The following PML variants were observed in gnomAD, a reference collection of about 807,000 sequenced individuals.
The protein encoded by PML is protein PML.
A neutral mutation model predicts 65.2 loss-of-function variants in PML; 28 were observed. That is an observed-to-expected ratio of 0.43 (90% CI 0.32 to 0.59). PML has a LOEUF of 0.59. Ranked by LOEUF, PML falls within the 20% of genes least tolerant of loss-of-function variation. The pLI is 0.08. For missense variants in PML, 1,021 were observed against 1,203.4 expected (o/e 0.85, Z 2.24); for synonymous variants, 500 against 508.8 (o/e 0.98, Z 0.23).
intron 2 of PML, among the ~76,000 whole-genome samples, chr15:74,008,977 A>G (rs1257092132): frequency 6.6e-6 from 1 of 152,208 alleles, no homozygotes; most frequent in Non-Finnish European, 1.5e-5. Context: ...GAATCTGGAC[A>G]AGGGAAAGGG....
chr15:74,043,075 C>T lies in PML; in HGVS notation c.1797C>T (p.Asn599=). The T allele has an allele frequency of 6.2e-7, 1 of 1,613,388 alleles. No individual in the cohort carries two copies. ...GPSTLRVLDE[N]LADPQAEDRP... ...GCACCCTCAGGGTCCTGGACGAGAA[C>T]CTTGCTGACCCCCAAGCAGAAGACA... The change falls in exon 8 of 9, where the codon AAC becomes AAT. Residue 599 remains asparagine (N), a synonymous_variant. Transcript: ENST00000268058. This position sits in a 1 kb window ranked among gnomAD's most constrained non-coding sequence, Gnocchi z 4.3.
intron 4 of PML, among the ~76,000 whole-genome samples, chr15:74,030,433 G>C (rs2071266906): frequency 6.6e-6 from 1 of 152,172 alleles, no homozygotes; most frequent in African/African-American, 2.4e-5. Flanking sequence ...TGGATCACCT[G>C]AGGTCAGGAG....
At chr15:74,019,320 A>C (rs2070735385) in intron 2 of PML, among the ~76,000 whole-genome samples, 1 of 152,344 alleles carries the variant, frequency 6.6e-6, no homozygotes, top group African/African-American at 2.4e-5. Flanking sequence ...ATCCAACATC[A>C]GACACAGCCC....
chr15:74,018,755 A>G (rs2070708515), intron 2 of PML, among the ~76,000 whole-genome samples: 1 of 152,184 alleles, frequency 6.6e-6, no homozygotes, highest in South Asian at 2.1e-4. Flanking sequence ...CTTAATTATT[A>G]TGTAATCTAG....
In PML at chr15:74,043,794, G is replaced by C. The variant is rs908305550; in HGVS notation, c.1862-427G>C. ...CTCTTGGCCTTGCTCTGAGTGGAGT[G>C]CTTTCTATGTCCCAGGGCTCTGACT... is the stretch of plus-strand genomic sequence containing the variant. On this transcript the variant is annotated intron_variant, in intron 8 of 8. Transcript: ENST00000268058. The surrounding 1 kb of genome is among the most constrained non-coding windows in gnomAD (Gnocchi z 4.3). 2 of 534,584 alleles carry C rather than the reference G, an allele frequency of 3.7e-6. No individual in the cohort carries two copies. The highest frequency in any genetic ancestry group is 3.8e-5 in the African/African-American group (2 of 52,598). The allele number at this position is 534,584 out of a possible 1,614,324, so 33.1% of individuals were successfully genotyped here.
At chr15:74,021,477 C>A (rs1183224242) in intron 2 of PML, among the ~76,000 whole-genome samples, 1 of 151,834 alleles carries the variant, frequency 6.6e-6, no homozygotes, top group Non-Finnish European at 1.5e-5. Flanking sequence ...CCCAGCTACT[C>A]GGGAGGCTGA....
At chr15:74,029,444 T>C (rs1437097954) in intron 4 of PML, among the ~76,000 whole-genome samples, 1 of 152,116 alleles carries the variant, frequency 6.6e-6, no homozygotes, top group Non-Finnish European at 1.5e-5. Context: ...ACCAACATGA[T>C]GAAACCTCGT....
chr15:74,044,388 T>C lies in PML; in HGVS notation c.2029T>C (p.Tyr677His), dbSNP rs1309165417. ...CATGCGCCGCCCTATCTTGGCCTGCTACAAGCTGTGGGGGCCTGGCCTCCC... is the reference window on the plus strand; with the variant it reads ...CATGCGCCGCCCTATCTTGGCCTGCCACAAGCTGTGGGGGCCTGGCCTCCC... ...SSMRRPILAC[Y>H]KLWGPGLPNF... The change falls in exon 9 of 9, where the codon TAC becomes CAC. Residue 677 changes from tyrosine to histidine, a missense_variant. Transcript: ENST00000268058. The C allele has an allele frequency of 6.2e-7, 1 of 1,614,210 alleles. No homozygotes were observed. Among genetic ancestry groups the C allele is most frequent in the Non-Finnish European group, 8.5e-7 (1 of 1,180,028 alleles).
intron 4 of PML, 124 bp from the exon 5 acceptor site, chr15:74,032,430 CAGTGAGCTCGGAGCTTTG>C: frequency 1.2e-6 from 1 of 843,014 alleles, no homozygotes; most frequent in Non-Finnish European, 2.0e-6. Context: ...TTCTTGTCCC[CAGTGAGCTCGGAGCTTTG>C]AGTCAGGGAG....
At chr15:74,005,287 G>A (rs2069985993) in intron 2 of PML, among the ~76,000 whole-genome samples, 1 of 151,412 alleles carries the variant, frequency 6.6e-6, no homozygotes, top group East Asian at 2.0e-4. Flanking sequence ...TCCTGACCTC[G>A]TGATCCACCC....
In PML at chr15:73,999,796, C is replaced by CTCTG. The variant is rs541295384; in HGVS notation, c.602+1321_602+1324dup. Among the ~76,000 whole-genome samples, 292 of 148,810 alleles carry CTCTG rather than the reference C, an allele frequency of 2.0e-3. 3 individuals are homozygous for CTCTG. The highest frequency in any genetic ancestry group is 7.0e-3 in the African/African-American group (284 of 40,524). On this transcript the variant is annotated intron_variant, in intron 2 of 8. Transcript: ENST00000268058. ...ATAAATTAGGAGAAATTGGCTTTAT[C>CTCTG]TCTGGTTCTATCTTTTGGATTTAAA...
chr15:74,045,712 C>T lies in PML; in HGVS notation c.*704C>T. 1 of 234,036 alleles carries T rather than the reference C, an allele frequency of 4.3e-6. No individual in the cohort carries two copies. The allele number at this position is 234,036 out of a possible 1,614,324, so 14.5% of individuals were successfully genotyped here. On this transcript the variant is annotated 3_prime_UTR_variant, in exon 9 of 9. Transcript: ENST00000268058. Reference sequence around the variant, plus strand: ...GCTTTGCTCTTTGGTCCTCAGGCCACCAGACCCCTCACAGCATGGCCCTTG... The same window carrying T: ...GCTTTGCTCTTTGGTCCTCAGGCCATCAGACCCCTCACAGCATGGCCCTTG...
intron 7 of PML, among the ~76,000 whole-genome samples, chr15:74,039,325 G>T (rs2071646122): frequency 1.3e-5 from 2 of 152,238 alleles, no homozygotes; most frequent in Admixed American, 1.3e-4. Flanking sequence ...CTCATAACAT[G>T]TGCAGTATTC....
Position 74,023,216 on chromosome 15 carries a change from G to T in PML, c.991G>T (p.Ala331Ser). 2 of 1,609,952 alleles carry T rather than the reference G, an allele frequency of 1.2e-6. No homozygotes were observed. The highest frequency in any genetic ancestry group is 8.5e-7 in the Non-Finnish European group (1 of 1,178,838). ...AVLQRIRTGSALVQRMKCYAS... is the reference protein window; with the variant it reads ...AVLQRIRTGSSLVQRMKCYAS... The stretch of plus-strand genomic sequence containing the variant: ...GCTGCAGCGCATCCGCACGGGCAGC[G>T]CGCTGGTGCAGAGGATGAAGTGCTA... The change falls in exon 3 of 9, where the codon GCG (alanine) becomes TCG (serine). Residue 331 changes from alanine to serine, a missense_variant. By Grantham distance (99) the Ala-to-Ser change is moderately conservative. Coordinates refer to ENST00000268058, the MANE Select transcript of PML (RefSeq NM_033238.3).
intron 2 of PML, among the ~76,000 whole-genome samples, chr15:74,002,536 C>T (rs1404156069): frequency 2.0e-5 from 3 of 149,310 alleles, no homozygotes; most frequent in Non-Finnish European, 3.0e-5. Context: ...CTCCTCCTCC[C>T]GGGTTCAAGT....
intron 2 of PML, among the ~76,000 whole-genome samples, chr15:74,020,022 TAGAGCTGC>T (rs1470884942): frequency 6.6e-6 from 1 of 152,248 alleles, no homozygotes; most frequent in Non-Finnish European, 1.5e-5. Flanking sequence ...TGTGTAGAGA[TAGAGCTGC>T]AGAGCAGATC....
At position 74,044,221 on chromosome 15, in the gene PML, C is replaced by A. The variant is rs762475037; in HGVS notation, c.1862C>A (p.Thr621Asn). 1.2e-6 allele frequency: 2 copies of A among 1,613,792 alleles called. No homozygotes were observed. Among genetic ancestry groups the A allele is most frequent in the Non-Finnish European group, 8.5e-7 (1 of 1,180,004 alleles). ...VFFDLKIDNE[T>N]QKISQLAAVN... Reference sequence around the variant, plus strand: ...CACCCTGCCCTTCTCTCCTGCCCAGCCCAGAAGATTAGCCAGCTGGCTGCG... The same window carrying A: ...CACCCTGCCCTTCTCTCCTGCCCAGACCAGAAGATTAGCCAGCTGGCTGCG... The change falls in exon 9 of 9, where the codon ACC (threonine) becomes AAC (asparagine). Residue 621 changes from threonine to asparagine, a missense_variant and splice_region_variant. Thr to Asn is a moderately conservative substitution (Grantham distance 65, BLOSUM62 0). Transcript: ENST00000268058.
chr15:74,026,052 G>T (rs1028831481), intron 4 of PML: 1 of 152,362 alleles, frequency 6.6e-6, no homozygotes, highest in African/African-American at 2.4e-5. Context: ...CAAGAGCATG[G>T]AGTCTAACCC....
intron 7 of PML, chr15:74,034,912 GGGTGTCA>G: frequency 6.9e-7 from 1 of 1,440,304 alleles, no homozygotes; most frequent in Non-Finnish European, 9.1e-7. Flanking sequence ...GCCAGTGAAG[GGGTGTCA>G]GGCCACAGGG....
Sources: allele counts gnomAD v4.1 joint callset (sites outside exome capture counted in the v4.1 genomes callset), GRCh38; gene constraint gnomAD v4.1.1; non-coding constraint Gnocchi (gnomAD v3.1); transcripts MANE v1.5; gene names NCBI Gene and HGNC (gene_info 2026-07-23, HGNC 2026-07-21).